The following ESF1 variants were observed in gnomAD, a reference collection of about 807,000 sequenced individuals.
ESF1 encodes the protein ESF1 homolog.
In ESF1, 58 loss-of-function variants were observed where a neutral mutation model predicts 92.0. The observed-to-expected ratio is 0.63, with a 90% CI of 0.51 to 0.78. The LOEUF (loss-of-function observed/expected upper bound fraction) is 0.78, where lower values mean the gene tolerates loss of function less well. Ranked by LOEUF, ESF1 falls within the 30% of genes least tolerant of loss-of-function variation. The pLI is 0.00. For missense variants in ESF1, 922 were observed against 989.1 expected, an observed-to-expected ratio of 0.93 and a Z score of 0.91; for synonymous variants, 321 against 313.7, an observed-to-expected ratio of 1.02 and a Z score of -0.24.
chr20:13,775,415 A>G (rs900466087), intron 3 of ESF1, 145 bp from the exon 4 acceptor site: 1 of 515,524 alleles, frequency 1.9e-6, no homozygotes, highest in Admixed American at 3.7e-5. Context: ...TTCAGTATAT[A>G]AAAGAGAACT....
intron 13 of ESF1, among the ~76,000 whole-genome samples, chr20:13,716,947 A>G (rs560653012): frequency 6.7e-6 from 1 of 150,292 alleles, no homozygotes; most frequent in East Asian, 2.0e-4. Flanking sequence ...CCTCCTGAGT[A>G]GCTGTGACTA....
chr20:13,754,397 T>G (rs1416351252), intron 9 of ESF1, among the ~76,000 whole-genome samples: 3 of 152,188 alleles, frequency 2.0e-5, no homozygotes, highest in African/African-American at 7.2e-5. Context: ...GATCAGCTTT[T>G]GAACCTTTCT....
intron 2 of ESF1, among the ~76,000 whole-genome samples, chr20:13,778,637 A>C (rs903581324): frequency 6.6e-6 from 1 of 152,188 alleles, no homozygotes; most frequent in African/African-American, 2.4e-5. Context: ...TGACAATGGT[A>C]CACATACCAC....
intron 6 of ESF1, among the ~76,000 whole-genome samples, 153 bp from the exon 7 acceptor site, chr20:13,770,174 C>A (rs1979620139): frequency 6.6e-6 from 1 of 152,218 alleles, no homozygotes; most frequent in Admixed American, 6.5e-5. Flanking sequence ...TTGTATATTT[C>A]TGAATGAATT....
intron 7 of ESF1, among the ~76,000 whole-genome samples, chr20:13,768,371 T>C (rs917209993): frequency 2.6e-5 from 4 of 151,820 alleles, no homozygotes; most frequent in Non-Finnish European, 4.4e-5. Flanking sequence ...TCACCAGAGG[T>C]TGGGAGTTCG....
At chr20:13,764,522 T>C (rs1322895693) in intron 8 of ESF1, among the ~76,000 whole-genome samples, 2 of 152,182 alleles carry the variant, frequency 1.3e-5, no homozygotes. Context: ...TCCACACGTA[T>C]CTCGATTCTC....
intron 7 of ESF1, among the ~76,000 whole-genome samples, chr20:13,769,033 A>G (rs528111978): frequency 4.6e-5 from 7 of 152,150 alleles, no homozygotes; most frequent in Non-Finnish European, 8.8e-5. Flanking sequence ...TAATTATTCC[A>G]TATCAATTCT....
At chr20:13,742,851 T>C (rs2050024339) in intron 9 of ESF1, among the ~76,000 whole-genome samples, 1 of 152,134 alleles carries the variant, frequency 6.6e-6, no homozygotes, top group South Asian at 2.1e-4. Flanking sequence ...TTTTAGAACA[T>C]TTTCATCTCT....
intron 5 of ESF1, among the ~76,000 whole-genome samples, chr20:13,772,199 A>C (rs1402786438): frequency 1.3e-5 from 2 of 152,032 alleles, no homozygotes; most frequent in Non-Finnish European, 2.9e-5. Flanking sequence ...TGTCTCAAAA[A>C]AAAAAGCAAA....
chr20:13,741,018 C>A (rs563411262), intron 9 of ESF1, among the ~76,000 whole-genome samples: 2 of 152,208 alleles, frequency 1.3e-5, no homozygotes, highest in East Asian at 3.9e-4. Context: ...CACAATCTGC[C>A]CCCAGGAATC....
chr20:13,748,987 A>T (rs1465582041), intron 9 of ESF1, among the ~76,000 whole-genome samples: 1 of 152,180 alleles, frequency 6.6e-6, no homozygotes, highest in Non-Finnish European at 1.5e-5. Flanking sequence ...GGATCCTAAA[A>T]TAAAATATAT....
intron 9 of ESF1, among the ~76,000 whole-genome samples, chr20:13,739,787 T>C (rs2035786268): frequency 6.6e-6 from 1 of 151,570 alleles, no homozygotes; most frequent in Non-Finnish European, 1.5e-5. Flanking sequence ...GGAGTTTTCC[T>C]TGGGGACAAA....
Position 13,718,931 on chromosome 20 carries a change from C to T in ESF1, c.2092G>A (p.Glu698Lys). The T allele has an allele frequency of 6.2e-7, 1 of 1,603,288 alleles. No homozygotes were observed. Among genetic ancestry groups the T allele is most frequent in the Non-Finnish European group, 8.5e-7 (1 of 1,176,534 alleles). ...ACCTTTTGTCTTTCTATTTCAATTT[C>T]TTCTTCTGGAGATGTGCCATCTTTT... ...SAKDGTSPEE[E>K]IEIERQKAEM... is the part of the protein sequence containing the mutation. Residue 698 changes from glutamate to lysine, a missense_variant, in exon 12 of 14, where the codon GAA (glutamate) becomes AAA (lysine). Transcript: ENST00000617257.
At chr20:13,765,299 A>C (rs2147767812) in intron 8 of ESF1, among the ~76,000 whole-genome samples, 1 of 152,356 alleles carries the variant, frequency 6.6e-6, no homozygotes, top group Admixed American at 6.5e-5. Flanking sequence ...ACTTCAGACT[A>C]ACCCTTTCAC....
intron 10 of ESF1, among the ~76,000 whole-genome samples, chr20:13,731,047 G>T (rs2049939390): frequency 6.6e-6 from 1 of 152,044 alleles, no homozygotes; most frequent in African/African-American, 2.4e-5. Flanking sequence ...AGAACACCCT[G>T]GACACTCAAC....
chr20:13,758,841 C>T (rs954519984), intron 9 of ESF1, among the ~76,000 whole-genome samples: 1 of 152,136 alleles, frequency 6.6e-6, no homozygotes, highest in Non-Finnish European at 1.5e-5. Flanking sequence ...AAAATGTGTA[C>T]AGTAGTCCCC....
chr20:13,732,891 A>G (rs2147732623), intron 10 of ESF1, among the ~76,000 whole-genome samples: 1 of 148,092 alleles, frequency 6.8e-6, no homozygotes, highest in East Asian at 2.0e-4. Flanking sequence ...ACATTAACAC[A>G]GAGGAAATAC....
chr20:13,726,486 G>A (rs2049901628), intron 11 of ESF1, among the ~76,000 whole-genome samples: 1 of 152,032 alleles, frequency 6.6e-6, no homozygotes, highest in Admixed American at 6.6e-5. Context: ...CATTCCACAG[G>A]TCTCAGCTCT....
intron 9 of ESF1, among the ~76,000 whole-genome samples, chr20:13,758,517 C>T (rs961185802): frequency 1.3e-5 from 2 of 152,170 alleles, no homozygotes; most frequent in Non-Finnish European, 2.9e-5. Context: ...CCAGTCAATC[C>T]TCAAATATCA....
Sources: gnomAD v4.1 joint callset for allele counts (sites outside exome capture counted in the v4.1 genomes callset) on GRCh38, gnomAD v4.1.1 for gene constraint, MANE v1.5 for transcripts, NCBI Gene and HGNC (gene_info 2026-07-23, HGNC 2026-07-21) for gene names.